Variants in CNTLN observed in about 807,000 individuals in gnomAD.
CNTLN encodes centlein, centrosomal protein.
CNTLN carries 212 observed loss-of-function variants against 180.0 expected under a neutral mutation model. The ratio of observed to expected loss-of-function variants is 1.18; its 90% CI spans 1.05 to 1.32. The LOEUF (loss-of-function observed/expected upper bound fraction) is 1.32. CNTLN is among the 40% of genes most tolerant of loss of function. The pLI, the probability that CNTLN is intolerant of heterozygous loss-of-function variation, is 0.00. For synonymous variants in CNTLN, 722 were observed against 563.1 expected (o/e 1.28, Z -3.99); for missense variants, 2,095 against 1,610.9 (o/e 1.30, Z -5.14).
chr9:17,341,060 C>A, intron 11 of CNTLN, 112 bp downstream of exon 11: 1 of 944,808 alleles, frequency 1.1e-6, no homozygotes, highest in South Asian at 3.3e-5. Context: ...ATTTGGTAGT[C>A]AAATCTTTAT....
intron 5 of CNTLN, among the ~76,000 whole-genome samples, chr9:17,239,753 A>T (rs1319011577): frequency 6.6e-6 from 1 of 152,136 alleles, no homozygotes; most frequent in East Asian, 1.9e-4. Flanking sequence ...TTGTCTTGAT[A>T]CCATTATTGA....
intron 10 of CNTLN, among the ~76,000 whole-genome samples, chr9:17,337,300 G>T (rs1324284079): frequency 6.6e-6 from 1 of 152,068 alleles, no homozygotes; most frequent in African/African-American, 2.4e-5. Context: ...CTGTGCAAAA[G>T]CTCTTTAGTT....
chr9:17,301,123 T>C (rs1363268090), intron 7 of CNTLN: 3 of 985,268 alleles, frequency 3.0e-6, no homozygotes, highest in East Asian at 2.3e-4. Flanking sequence ...GCTGAGAAGA[T>C]AAGATATCAA....
At chr9:17,523,064 G>C in the CNTLN span, among the ~76,000 whole-genome samples, 1 of 152,162 alleles carries the variant, frequency 6.6e-6, no homozygotes, top group Non-Finnish European at 1.5e-5. Context: ...TTAGAATGCA[G>C]ATGCCTAGAG....
chr9:17,466,048 A>G lies in CNTLN; in HGVS notation c.3599A>G (p.Asn1200Ser). Reference sequence around the variant, plus strand: ...ATTGATTCACTAAAGCAAAGACTTAACGTTGCTGTAAAAGAAAAGTCACAG... The same window carrying G: ...ATTGATTCACTAAAGCAAAGACTTAGCGTTGCTGTAAAAGAAAAGTCACAG... ...VSIDSLKQRLNVAVKEKSQYE... is the reference protein window; with the variant it reads ...VSIDSLKQRLSVAVKEKSQYE... Residue 1200 changes from asparagine to serine, a missense_variant, in exon 22 of 26, where the codon AAC (asparagine) becomes AGC (serine). Transcript: ENST00000380647. 6.2e-7 allele frequency: 1 copy of G among 1,604,236 alleles called. No individual in the cohort carries two copies. Among genetic ancestry groups the G allele is most frequent in the Non-Finnish European group, 8.5e-7 (1 of 1,172,536 alleles).
chr9:17,301,155 A>G (rs1818317137), intron 7 of CNTLN: 4 of 985,388 alleles, frequency 4.1e-6, no homozygotes, highest in Non-Finnish European at 4.8e-6. Context: ...AATTTCTGAT[A>G]ACTTTTCCAA....
intron 8 of CNTLN, among the ~76,000 whole-genome samples, chr9:17,310,917 ATTC>A (rs1204698289): frequency 6.6e-6 from 1 of 152,098 alleles, no homozygotes; most frequent in African/African-American, 2.4e-5. Context: ...CTCTTTATAT[ATTC>A]TTAATATTAA....
chr9:17,294,298 C>G (rs190151532), intron 6 of CNTLN, among the ~76,000 whole-genome samples: 7 of 152,044 alleles, frequency 4.6e-5, no homozygotes, highest in Non-Finnish European at 8.8e-5. Flanking sequence ...TCTGGCCCCA[C>G]CCACATCCTG....
At chr9:17,508,069 TG>T (rs535773594), downstream of CNTLN, among the ~76,000 whole-genome samples, 534 of 152,316 alleles carry the variant, frequency 3.5e-3, 4 homozygotes, top group African/African-American at 0.012. Context: ...GAGACTTCCC[TG>T]GGTTCATGCT....
chr9:17,310,996 A>G (rs1819092423), intron 8 of CNTLN, among the ~76,000 whole-genome samples: 1 of 151,954 alleles, frequency 6.6e-6, no homozygotes, highest in Non-Finnish European at 1.5e-5. Flanking sequence ...GATTTTCTTC[A>G]AGGTGTCATT....
chr9:17,149,512 C>CTTTTTTTTTTTTTTTTTTTTT (rs55691769), intron 2 of CNTLN, among the ~76,000 whole-genome samples: 27 of 106,116 alleles, frequency 2.5e-4, no homozygotes, highest in East Asian at 5.3e-4. Context: ...TTCTTTCTTT[C>CTTTTTTTTTTTTTTTTTTTTT]TTTTTTTTTT....
intron 18 of CNTLN, chr9:17,448,597 G>T (rs1216552616): frequency 6.6e-6 from 1 of 152,124 alleles, no homozygotes; most frequent in East Asian, 1.9e-4. Context: ...ACCAAGCCTT[G>T]GTTATGAGGG....
At chr9:17,182,703 G>C (rs957289346) in intron 2 of CNTLN, among the ~76,000 whole-genome samples, 1 of 152,282 alleles carries the variant, frequency 6.6e-6, no homozygotes, top group East Asian at 1.9e-4. Context: ...CCTGATCCTT[G>C]TGCCACTTCT....
At position 17,415,849 on chromosome 9, in the gene CNTLN, A is replaced by T; in HGVS notation, c.2858A>T (p.Gln953Leu). The stretch of plus-strand genomic sequence containing the variant: ...TTTCAAAAGAAGAATTGCAAGATGC[A>T]AAAGAGTTCACATACAGCAGTTCCT... ...PTFQKKNCKM[Q>L]KSSHTAVPTR... is the part of the protein sequence containing the mutation. Residue 953 changes from glutamine (Q) to leucine (L), a missense_variant, in exon 17 of 26, where the codon CAA (glutamine) becomes CTA (leucine). Transcript: ENST00000380647. The T allele has an allele frequency of 6.2e-7, 1 of 1,612,924 alleles. No individual in the cohort carries two copies. Among genetic ancestry groups the T allele is most frequent in the Non-Finnish European group, 8.5e-7 (1 of 1,179,392 alleles).
At chr9:17,489,725 C>G (rs78926306) in intron 25 of CNTLN, among the ~76,000 whole-genome samples, 3,985 of 152,098 alleles carry the variant, frequency 0.026, 81 homozygotes, top group Non-Finnish European at 0.044. Flanking sequence ...ACTAAAAGGT[C>G]TAAAATTTTA....
intron 2 of CNTLN, among the ~76,000 whole-genome samples, chr9:17,171,964 T>A (rs2131655146): frequency 6.6e-6 from 1 of 152,150 alleles, no homozygotes; most frequent in South Asian, 2.1e-4. Context: ...GGCTTTAAGA[T>A]CTGGGCACAG....
At chr9:17,156,034 C>G (rs1300404492) in intron 2 of CNTLN, among the ~76,000 whole-genome samples, 1 of 152,202 alleles carries the variant, frequency 6.6e-6, no homozygotes, top group Non-Finnish European at 1.5e-5. Flanking sequence ...CCCCACCCTG[C>G]TTCGGCTAGC....
At chr9:17,174,687 C>T (rs1820609377) in intron 2 of CNTLN, among the ~76,000 whole-genome samples, 1 of 146,966 alleles carries the variant, frequency 6.8e-6, no homozygotes, top group Non-Finnish European at 1.5e-5. Flanking sequence ...CAGCACGAGA[C>T]TCCGTCTCAG....
chr9:17,487,283 C>T (rs1330103896), intron 25 of CNTLN: 1 of 513,628 alleles, frequency 1.9e-6, no homozygotes. Context: ...CAACATGGGT[C>T]TTAGCAAATG....
Sources: allele counts gnomAD v4.1 joint callset (sites outside exome capture counted in the v4.1 genomes callset), GRCh38; gene constraint gnomAD v4.1.1; transcripts MANE v1.5; gene names NCBI Gene and HGNC (gene_info 2026-07-23, HGNC 2026-07-21).